LRRTM4: variants seen among roughly 807,000 people sequenced by gnomAD.
LRRTM4 encodes leucine-rich repeat transmembrane neuronal protein 4.
A neutral mutation model predicts 47.6 loss-of-function variants in LRRTM4; 25 were observed. The ratio of observed to expected loss-of-function variants is 0.53; its 90% confidence interval spans 0.38 to 0.73. The LOEUF is 0.73. Among genes scored for constraint, LRRTM4 ranks in the 30% least tolerant of loss-of-function variants. The pLI is 0.00. For missense variants in LRRTM4, 638 were observed against 713.4 expected, an observed-to-expected ratio of 0.89 and a Z score of 1.20; for synonymous variants, 311 against 269.5, an observed-to-expected ratio of 1.15 and a Z score of -1.51.
intron 3 of LRRTM4, among the ~76,000 whole-genome samples, chr2:77,182,459 G>T (rs1454433577): frequency 6.6e-6 from 1 of 151,888 alleles, no homozygotes; most frequent in Non-Finnish European, 1.5e-5. Flanking sequence ...CTAGATGATG[G>T]ATCAATAGGT....
intron 3 of LRRTM4, among the ~76,000 whole-genome samples, chr2:77,406,888 T>A (rs1323351263): frequency 1.3e-5 from 2 of 152,096 alleles, no homozygotes; most frequent in Admixed American, 6.6e-5. Context: ...AAAAAATACG[T>A]CTTTCCATCC....
chr2:76,796,302 G>T (rs1375485396), intron 3 of LRRTM4, among the ~76,000 whole-genome samples: 2 of 118,458 alleles, frequency 1.7e-5, no homozygotes, highest in African/African-American at 7.3e-5. Context: ...GCTCCAACTG[G>T]GTGGAGCCCA....
At chr2:76,956,538 T>C (rs773601020) in intron 3 of LRRTM4, among the ~76,000 whole-genome samples, 4 of 151,214 alleles carry the variant, frequency 2.6e-5, no homozygotes, top group Non-Finnish European at 5.9e-5. Context: ...TATCTAACTT[T>C]ATACCTCAAA....
intron 3 of LRRTM4, among the ~76,000 whole-genome samples, chr2:77,323,316 C>T (rs986617463): frequency 2.0e-5 from 3 of 152,102 alleles, no homozygotes; most frequent in African/African-American, 7.2e-5. Flanking sequence ...TTGTTTGCTG[C>T]CATCTTGAGA....
At chr2:76,871,722 A>C (rs907396566) in intron 3 of LRRTM4, among the ~76,000 whole-genome samples, 1 of 152,206 alleles carries the variant, frequency 6.6e-6, no homozygotes, top group African/African-American at 2.4e-5. Flanking sequence ...TATTACATAC[A>C]ATTGTGTATT....
At chr2:77,011,691 G>A (rs1019064076) in intron 3 of LRRTM4, among the ~76,000 whole-genome samples, 2 of 151,928 alleles carry the variant, frequency 1.3e-5, no homozygotes, top group South Asian at 4.2e-4. Context: ...CTTTGCCATG[G>A]ATGAGGCATT....
chr2:77,517,705 A>G lies in LRRTM4; in HGVS notation c.1551+613T>C, dbSNP rs997992714. The G allele has an allele frequency of 2.3e-5, 23 of 984,166 alleles. No individual in the cohort carries two copies. In the African/African-American group the frequency reaches 3.2e-4, roughly 13 times the overall value. 61.0% of individuals were successfully genotyped at this position (984,166 alleles called of 1,614,324 possible). Reference sequence around the variant, plus strand: ...TAGGAAAGAAGGAAACAAAAAAAAAAAAAGAAAGAAGCCTTAGGAGCCTGA... The same window carrying G: ...TAGGAAAGAAGGAAACAAAAAAAAAGAAAGAAAGAAGCCTTAGGAGCCTGA... On this transcript the variant is annotated intron_variant, in intron 3 of 3. Coordinates refer to ENST00000409884, the MANE Select transcript of LRRTM4 (RefSeq NM_001134745.3).
In LRRTM4 at chr2:76,784,019, T is replaced by C. The variant is rs1674536291; in HGVS notation, c.1552-35103A>G. 2.0e-5 allele frequency among the ~76,000 whole-genome samples: 3 copies of C among 152,302 alleles called. No homozygotes were observed. The South Asian group carries it at 6.2e-4, about 32-fold the overall frequency. ...GTTGCTACTTGAATTTTCTATGTTTTATTGTGAAAGTGAGAAAACATAAAT... is the reference window on the plus strand; with the variant it reads ...GTTGCTACTTGAATTTTCTATGTTTCATTGTGAAAGTGAGAAAACATAAAT... On this transcript the variant is annotated intron_variant, in intron 3 of 3. Transcript: ENST00000409884.
chr2:76,844,529 G>T (rs1382649083), intron 3 of LRRTM4, among the ~76,000 whole-genome samples: 1 of 152,096 alleles, frequency 6.6e-6, no homozygotes, highest in Non-Finnish European at 1.5e-5. Context: ...TTCCATATCT[G>T]TATCAGCAAA....
intron 3 of LRRTM4, among the ~76,000 whole-genome samples, chr2:76,928,953 T>C (rs897113765): frequency 6.6e-6 from 1 of 152,154 alleles, no homozygotes; most frequent in Non-Finnish European, 1.5e-5. Flanking sequence ...CTATGTAATA[T>C]AGTATGTTCT....
intron 3 of LRRTM4, among the ~76,000 whole-genome samples, chr2:76,970,105 C>T (rs146307533): frequency 1.3e-5 from 2 of 151,990 alleles, no homozygotes; most frequent in East Asian, 3.9e-4. Flanking sequence ...TCAAAGCAGA[C>T]CTCAAAATTT....
chr2:77,157,157 G>A (rs762262544), intron 3 of LRRTM4, among the ~76,000 whole-genome samples: 13 of 152,064 alleles, frequency 8.5e-5, no homozygotes, highest in Non-Finnish European at 1.8e-4. Context: ...TCACATTAAT[G>A]CATTAAAAGA....
At chr2:76,786,348 TAAAA>T (rs964797788) in intron 3 of LRRTM4, among the ~76,000 whole-genome samples, 2 of 151,888 alleles carry the variant, frequency 1.3e-5, no homozygotes, top group African/African-American at 4.8e-5. Flanking sequence ...AAAATAAAAA[TAAAA>T]AACCCACAAA....
At chr2:77,207,071 A>C (rs1469486286) in intron 3 of LRRTM4, among the ~76,000 whole-genome samples, 1 of 150,364 alleles carries the variant, frequency 6.7e-6, no homozygotes, top group Non-Finnish European at 1.5e-5. Flanking sequence ...TTCCCTCCAA[A>C]ATGTGACTTA....
chr2:76,933,637 C>T (rs1433903074), intron 3 of LRRTM4, among the ~76,000 whole-genome samples: 1 of 151,832 alleles, frequency 6.6e-6, no homozygotes, highest in Non-Finnish European at 1.5e-5. Context: ...GGTTTTGATC[C>T]ACTGGTGTAC....
intron 3 of LRRTM4, among the ~76,000 whole-genome samples, chr2:76,792,462 A>T (rs1481874324): frequency 6.6e-6 from 1 of 152,196 alleles, no homozygotes; most frequent in Admixed American, 6.5e-5. Context: ...TAATCCAAAG[A>T]TAGAAGGATA....
Position 77,503,906 on chromosome 2 carries a change from G to C in LRRTM4, c.1551+14412C>G, listed in dbSNP as rs573637726. ...AAAATGTGGTGATGATGAAGTCAGT[G>C]GCAAGCTTAGCAAGAGCTGTTTGGA... On this transcript the variant is annotated intron_variant, in intron 3 of 3. Coordinates refer to ENST00000409884, the MANE Select transcript of LRRTM4 (RefSeq NM_001134745.3). Among the ~76,000 whole-genome samples the C allele has an allele frequency of 4.6e-5, 7 of 151,752 alleles. 1 individual carries two copies. Among genetic ancestry groups the C allele is most frequent in the Admixed American group, 2.6e-4 (4 of 15,176 alleles).
At chr2:77,192,896 AAAGAG>A (rs1673711203) in intron 3 of LRRTM4, among the ~76,000 whole-genome samples, 1 of 152,206 alleles carries the variant, frequency 6.6e-6, no homozygotes, top group African/African-American at 2.4e-5. Flanking sequence ...CGTGCATGGA[AAAGAG>A]AAGTCTTCTG....
intron 3 of LRRTM4, among the ~76,000 whole-genome samples, chr2:77,050,992 T>C (rs1174872719): frequency 2.0e-5 from 3 of 151,766 alleles, no homozygotes; most frequent in Non-Finnish European, 4.4e-5. Flanking sequence ...TTTGTGTATC[T>C]AGGTAAACAA....
Sources: allele counts gnomAD v4.1 joint callset (sites outside exome capture counted in the v4.1 genomes callset), GRCh38; gene constraint gnomAD v4.1.1; transcripts MANE v1.5; gene names NCBI Gene and HGNC (gene_info 2026-07-23, HGNC 2026-07-21).